TMEM132E: variants seen among roughly 807,000 people sequenced by gnomAD.
TMEM132E encodes the protein transmembrane protein 132E.
A neutral mutation model predicts 78.5 loss-of-function variants in TMEM132E; 49 were observed. The observed-to-expected ratio is 0.62, with a 90% confidence interval of 0.50 to 0.79. The LOEUF (loss-of-function observed/expected upper bound fraction) is 0.79. Among genes scored for constraint, TMEM132E ranks in the 30% least tolerant of loss-of-function variants. The pLI, the probability that TMEM132E is intolerant of heterozygous loss-of-function variation, is 0.00. For missense variants in TMEM132E, 1,403 were observed against 1,470.9 expected, an observed-to-expected ratio of 0.95 and a Z score of 0.75; for synonymous variants, 715 against 670.6, an observed-to-expected ratio of 1.07 and a Z score of -1.02.
intron 8 of TMEM132E, 150 bp downstream of exon 8, chr17:34,636,348 C>A: frequency 1.3e-6 from 1 of 771,254 alleles, no homozygotes; most frequent in Non-Finnish European, 1.8e-6. Flanking sequence ...AACTGCCCAC[C>A]CTATGGCCAC....
chr17:34,613,197 C>CA (rs1555563333), intron 1 of TMEM132E, among the ~76,000 whole-genome samples: 4 of 131,144 alleles, frequency 3.1e-5, no homozygotes, highest in African/African-American at 1.1e-4. Context: ...ACACACACAC[C>CA]CACACACACA....
At chr17:34,592,074 C>T (rs1419444629) in intron 1 of TMEM132E, among the ~76,000 whole-genome samples, 1 of 152,204 alleles carries the variant, frequency 6.6e-6, no homozygotes, top group Admixed American at 6.5e-5. Flanking sequence ...CCAAAGACTT[C>T]CCGGAGAGCT....
chr17:34,594,217 G>T (rs548278885), intron 1 of TMEM132E, among the ~76,000 whole-genome samples: 1 of 152,336 alleles, frequency 6.6e-6, no homozygotes, highest in East Asian at 1.9e-4. Flanking sequence ...GCCTGGCACA[G>T]AGGAGATGCT....
chr17:34,609,351 G>A (rs1906516857), intron 1 of TMEM132E, among the ~76,000 whole-genome samples: 1 of 152,176 alleles, frequency 6.6e-6, no homozygotes, highest in Admixed American at 6.5e-5. Context: ...GGGAGGAAGA[G>A]GAACACAACT....
chr17:34,588,959 G>A (rs907420586), intron 1 of TMEM132E, among the ~76,000 whole-genome samples: 1 of 152,118 alleles, frequency 6.6e-6, no homozygotes, highest in East Asian at 1.9e-4. Flanking sequence ...TCACCATGTT[G>A]GCCAGGCTGG....
intron 1 of TMEM132E, among the ~76,000 whole-genome samples, chr17:34,600,418 C>A (rs191886556): frequency 1.8e-5 from 2 of 113,120 alleles, no homozygotes; most frequent in East Asian, 5.3e-4. Flanking sequence ...TAAGTTTGAG[C>A]GTATATGAGT....
rs370979692 is a variant in TMEM132E at position 34,637,404 on chromosome 17, G to A, written c.2397G>A (p.Lys799=). 3 of 1,613,708 alleles carry A rather than the reference G, an allele frequency of 1.9e-6. No homozygotes were observed. Among genetic ancestry groups the A allele is most frequent in the African/African-American group, 1.3e-5 (1 of 74,964 alleles). Residue 799 remains lysine (K), a synonymous_variant, in exon 9 of 9, where the codon AAG becomes AAA. Coordinates refer to ENST00000631683, the MANE Select transcript of TMEM132E (RefSeq NM_001304438.2). ...IAESCQKTKR[K]SVLATTPVGL... ...AGAGCTGCCAGAAAACCAAACGCAA[G>A]AGTGTGCTCGCCACGACCCCTGTGG...
chr17:34,614,330 AG>A (rs1284749704), intron 1 of TMEM132E: 2 of 152,258 alleles, frequency 1.3e-5, no homozygotes, highest in Admixed American at 6.5e-5. Context: ...CCATCACAAA[AG>A]GGACCTCACA....
chr17:34,592,966 A>G (rs1905926801), intron 1 of TMEM132E, among the ~76,000 whole-genome samples: 2 of 152,268 alleles, frequency 1.3e-5, no homozygotes, highest in African/African-American at 4.8e-5. Context: ...GCTGAGCAGC[A>G]TCGGCACTGT....
rs746516048 is a variant in TMEM132E, at chr17:34,581,098, C to G, written c.22C>G (p.Arg8Gly). ...GGCCATGGCCCCGGGGATGTCGGGC[C>G]GCGGCGGCGCCGCCCTGCTCTGCCT... MAPGMSGRGGAALLCLSA... is the reference protein window; with the variant it reads MAPGMSGGGGAALLCLSA... Residue 8 changes from arginine (R) to glycine (G), a missense_variant, in exon 1 of 9, where the codon CGC becomes GGC. By Grantham distance (125) the Arg-to-Gly change is moderately radical. This residue lies in a region of TMEM132E where 511 missense variants were observed against 499.0 expected (regional missense o/e 1.02). Transcript: ENST00000631683. 1.3e-6 allele frequency: 2 copies of G among 1,545,226 alleles called. No individual in the cohort carries two copies. The highest frequency in any genetic ancestry group is 1.7e-6 in the Non-Finnish European group (2 of 1,152,152).
chr17:34,581,253 A>C, intron 1 of TMEM132E, 110 bp downstream of exon 1: 4 of 1,038,654 alleles, frequency 3.9e-6, no homozygotes, highest in South Asian at 2.3e-5. Flanking sequence ...CGCAGCCGCC[A>C]CTCCGGGTTT....
At chr17:34,619,083 G>T (rs920378224) in intron 1 of TMEM132E, among the ~76,000 whole-genome samples, 4 of 152,188 alleles carry the variant, frequency 2.6e-5, no homozygotes, top group African/African-American at 4.8e-5. Context: ...TCTGGGTTGG[G>T]GTGGGGTTGC....
Position 34,637,242 on chromosome 17 carries a change from C to T in TMEM132E, c.2235C>T (p.Ser745=), listed in dbSNP as rs1420680505. 3 of 1,613,838 alleles carry T rather than the reference C, an allele frequency of 1.9e-6. No homozygotes were observed. Among genetic ancestry groups the T allele is most frequent in the East Asian group, 2.2e-5 (1 of 44,876 alleles). The stretch of plus-strand genomic sequence containing the variant: ...CCACAGCCCCACTCTCCCTCTACAG[C>T]CCACGAGACTATGGACTGCTAGTGA... ...DGTTAPLSLY[S]PRDYGLLVSS... is the part of the protein sequence containing the mutation. The change falls in exon 9 of 9, where the codon AGC becomes AGT. Residue 745 remains serine, a synonymous_variant. Coordinates refer to ENST00000631683, the MANE Select transcript of TMEM132E (RefSeq NM_001304438.2).
At chr17:34,629,753 T>C (rs1907287658) in intron 4 of TMEM132E, among the ~76,000 whole-genome samples, 1 of 152,096 alleles carries the variant, frequency 6.6e-6, no homozygotes, top group Non-Finnish European at 1.5e-5. Flanking sequence ...GGCAGGGGCC[T>C]GGGGAAGGGT....
chr17:34,581,169 G>A (rs1347392978), intron 1 of TMEM132E, 26 bp downstream of exon 1: 1 of 1,496,786 alleles, frequency 6.7e-7, no homozygotes, highest in Non-Finnish European at 8.9e-7. Flanking sequence ...CGGACTGGGG[G>A]TGAGGATGCG....
chr17:34,629,171 G>A lies in TMEM132E; in HGVS notation c.1305G>A (p.Gln435=). 2 of 1,614,146 alleles carry A rather than the reference G, an allele frequency of 1.2e-6. No homozygotes were observed. Among genetic ancestry groups the A allele is most frequent in the South Asian group, 2.2e-5 (2 of 91,080 alleles). ...ERAVTELTVI[Q]RDVQAILPLA... is the part of the protein sequence containing the mutation. ...CAGTCACTGAGCTGACGGTCATTCA[G>A]CGGGATGTGCAAGCCATCCTGCCCC... Residue 435 remains glutamine, a synonymous_variant, in exon 4 of 9, where the codon CAG becomes CAA. Coordinates refer to ENST00000631683, the MANE Select transcript of TMEM132E (RefSeq NM_001304438.2).
intron 1 of TMEM132E, among the ~76,000 whole-genome samples, chr17:34,605,804 G>T (rs1425528636): frequency 6.6e-6 from 1 of 152,128 alleles, no homozygotes; most frequent in Non-Finnish European, 1.5e-5. Context: ...TTTGGTCTTG[G>T]TCTGTTCATG....
At position 34,637,761 on chromosome 17, in the gene TMEM132E, C is replaced by T; in HGVS notation, c.2754C>T (p.His918=). ...TCGTTTTTGTGCTGCGCTACCGGCA[C>T]AAGCGCATCCCGCCCGAGGGCCAGA... is the stretch of plus-strand genomic sequence containing the variant. ...NCIVFVLRYR[H]KRIPPEGQTS... Residue 918 remains histidine (H), a synonymous_variant, in exon 9 of 9, where the codon CAC becomes CAT. Coordinates refer to ENST00000631683, the MANE Select transcript of TMEM132E (RefSeq NM_001304438.2). 1 of 1,613,636 alleles carries T rather than the reference C, an allele frequency of 6.2e-7. No individual in the cohort carries two copies. The highest frequency in any genetic ancestry group is 8.5e-7 in the Non-Finnish European group (1 of 1,179,996).
chr17:34,586,506 G>GA (rs1479566147), intron 1 of TMEM132E, among the ~76,000 whole-genome samples: 1 of 151,962 alleles, frequency 6.6e-6, no homozygotes, highest in Non-Finnish European at 1.5e-5. Flanking sequence ...AGAGAAAGGG[G>GA]GGACTGAGAC....
Sources: gnomAD v4.1 joint callset for allele counts (sites outside exome capture counted in the v4.1 genomes callset) on GRCh38, gnomAD v4.1.1 for gene constraint, gnomAD v4.1.1 regional missense constraint, MANE v1.5 for transcripts, NCBI Gene and HGNC (gene_info 2026-07-23, HGNC 2026-07-21) for gene names.